ANKRD11: variants seen among roughly 807,000 people sequenced by gnomAD.
ANKRD11 encodes ankyrin repeat domain 11.
A neutral mutation model predicts 195.7 loss-of-function variants in ANKRD11; 17 were observed. The ratio of observed to expected loss-of-function variants is 0.09; its 90% CI spans 0.06 to 0.13. The LOEUF (loss-of-function observed/expected upper bound fraction) is 0.13. ANKRD11 is among the 10% of genes least tolerant of loss of function. The pLI is 1.00. For missense variants in ANKRD11, 3,735 were observed against 3,566.1 expected (o/e 1.05, Z -1.21); for synonymous variants, 1,953 against 1,528.1 (o/e 1.28, Z -6.49).
chr16:89,433,917 T>C (rs995898397), intron 1 of ANKRD11, among the ~76,000 whole-genome samples: 1 of 152,232 alleles, frequency 6.6e-6, no homozygotes, highest in African/African-American at 2.4e-5. Context: ...CATCGACATC[T>C]GGTATTAACA....
chr16:89,354,340 G>A (rs1156678165), intron 2 of ANKRD11, among the ~76,000 whole-genome samples: 1 of 147,002 alleles, frequency 6.8e-6, no homozygotes, highest in Non-Finnish European at 1.5e-5. Context: ...AATCTTTTTT[G>A]AAGTCTCAAA....
chr16:89,430,069 C>T (rs530348063), intron 1 of ANKRD11, among the ~76,000 whole-genome samples: 27 of 126,378 alleles, frequency 2.1e-4, no homozygotes, highest in Admixed American at 7.0e-4. Flanking sequence ...TCAACTCTCA[C>T]GCTCAGACGT....
chr16:89,447,050 TC>T (rs1456526228), intron 1 of ANKRD11, among the ~76,000 whole-genome samples: 3 of 151,766 alleles, frequency 2.0e-5, no homozygotes, highest in Admixed American at 1.3e-4. Flanking sequence ...CTGCCATCCC[TC>T]CCCACCCTAC....
chr16:89,313,451 C>T (rs756808905), intron 3 of ANKRD11: 1 of 1,289,198 alleles, frequency 7.8e-7, no homozygotes, highest in Non-Finnish European at 1.0e-6. Context: ...ACACGCCTGC[C>T]ACTGTGCTCA....
In ANKRD11 at chr16:89,281,696, C is replaced by T. The variant is rs1361881680; in HGVS notation, c.4846G>A (p.Gly1616Arg). ...GCCTTCTCCTTGAGCTTGGGGTCTCCGGACCGGTGCCTCAGCTTCTCCATT... is the reference window on the plus strand; with the variant it reads ...GCCTTCTCCTTGAGCTTGGGGTCTCTGGACCGGTGCCTCAGCTTCTCCATT... ...KQMEKLRHRS[G>R]DPKLKEKAKP... is the part of the protein sequence containing the mutation. Residue 1616 changes from glycine to arginine, a missense_variant, in exon 9 of 13, where the codon GGA (glycine) becomes AGA (arginine). By Grantham distance (125) the Gly-to-Arg change is moderately radical (BLOSUM62 -2). Coordinates refer to ENST00000301030, the MANE Select transcript of ANKRD11 (RefSeq NM_013275.6). This position sits in a 1 kb window ranked among gnomAD's most constrained non-coding sequence, Gnocchi z 5.5. 13 of 1,614,028 alleles carry T rather than the reference C, an allele frequency of 8.1e-6. No homozygotes were observed. The highest frequency in any genetic ancestry group is 5.3e-5 in the African/African-American group (4 of 74,918).
chr16:89,281,640 A>T lies in ANKRD11; in HGVS notation c.4902T>A (p.Gly1634=). 1 of 1,613,926 alleles carries T rather than the reference A, an allele frequency of 6.2e-7. No homozygotes were observed. Among genetic ancestry groups the T allele is most frequent in the Non-Finnish European group, 8.5e-7 (1 of 1,179,950 alleles). The change falls in exon 9 of 13, where the codon GGT becomes GGA. Residue 1634 remains glycine, a synonymous_variant. Transcript: ENST00000301030. This position sits in a 1 kb window ranked among gnomAD's most constrained non-coding sequence, Gnocchi z 5.5. ...GCGGTTTCTTAGCAGGAATGTCCAG[A>T]CCCTTCTTCCGCCCGTCGTCTGCCG... ...AKPADDGRKK[G]LDIPAKKPPG... is the part of the protein sequence containing the mutation.
chr16:89,299,579 C>A (rs543603559), intron 4 of ANKRD11: 18 of 167,226 alleles, frequency 1.1e-4, no homozygotes, highest in Non-Finnish European at 1.8e-4. Context: ...GTGTGGGGTG[C>A]GTGGGGTCTG....
intron 1 of ANKRD11, among the ~76,000 whole-genome samples, chr16:89,436,031 CA>C: frequency 2.6e-5 from 4 of 152,176 alleles, no homozygotes; most frequent in African/African-American, 9.7e-5. Flanking sequence ...TGCAGGGTCA[CA>C]CATTCTTCCA....
At chr16:89,473,294 G>A (rs1322472140) in intron 1 of ANKRD11, among the ~76,000 whole-genome samples, 4 of 152,186 alleles carry the variant, frequency 2.6e-5, no homozygotes, top group Admixed American at 6.5e-5. Context: ...GAACTCTGAT[G>A]AGTCCATACT....
chr16:89,399,305 G>A lies in ANKRD11; in HGVS notation c.-60+18979C>T, dbSNP rs2041594832. On this transcript the variant is annotated intron_variant, in intron 2 of 12. Coordinates refer to ENST00000301030, the MANE Select transcript of ANKRD11 (RefSeq NM_013275.6). ...GACCCAAGACACTCATAGGTGAGTG[G>A]ATTAAACACCCGGCGTCCATCCAGA... Among the ~76,000 whole-genome samples, 2 of 152,088 alleles carry A rather than the reference G, an allele frequency of 1.3e-5. 1 individual carries two copies. Among genetic ancestry groups the A allele is most frequent in the South Asian group, 4.1e-4 (2 of 4,820 alleles).
At chr16:89,392,365 G>A (rs576327950) in intron 2 of ANKRD11, 1 of 152,434 alleles carries the variant, frequency 6.6e-6, no homozygotes, top group South Asian at 2.1e-4. Flanking sequence ...ATCACAAGAA[G>A]CTAAAATTCA....
intron 2 of ANKRD11, among the ~76,000 whole-genome samples, chr16:89,322,233 G>C (rs1221939057): frequency 6.6e-6 from 1 of 152,222 alleles, no homozygotes; most frequent in Non-Finnish European, 1.5e-5. Flanking sequence ...ACCTGGGTGA[G>C]TCTCTCTCCC....
intron 1 of ANKRD11, among the ~76,000 whole-genome samples, chr16:89,458,265 C>T (rs779811403): frequency 7.9e-5 from 12 of 151,706 alleles, no homozygotes; most frequent in Non-Finnish European, 1.5e-4. Flanking sequence ...CACTGTGTCA[C>T]CCAGGTTGGA....
At chr16:89,406,008 G>A (rs1019335508) in intron 2 of ANKRD11, among the ~76,000 whole-genome samples, 1 of 151,772 alleles carries the variant, frequency 6.6e-6, no homozygotes, top group African/African-American at 2.4e-5. Flanking sequence ...TACTCAGGAG[G>A]CTGAGGTGGG....
At chr16:89,421,907 C>A (rs997959763) in intron 1 of ANKRD11, among the ~76,000 whole-genome samples, 4 of 152,190 alleles carry the variant, frequency 2.6e-5, no homozygotes, top group Admixed American at 6.5e-5. Context: ...GGAGTTGCTT[C>A]TACCTATGGA....
intron 2 of ANKRD11, among the ~76,000 whole-genome samples, chr16:89,391,568 C>A (rs974190279): frequency 6.6e-6 from 1 of 152,204 alleles, no homozygotes; most frequent in Non-Finnish European, 1.5e-5. Flanking sequence ...AAGGAAAAAT[C>A]TGAGTTTTCC....
intron 1 of ANKRD11, among the ~76,000 whole-genome samples, chr16:89,458,296 C>T (rs1284642446): frequency 1.3e-5 from 2 of 151,996 alleles, no homozygotes; most frequent in African/African-American, 4.8e-5. Flanking sequence ...GCGATCTCCG[C>T]TCACTGCAAG....
intron 4 of ANKRD11, chr16:89,300,754 A>C: frequency 1.7e-6 from 1 of 603,298 alleles, no homozygotes; most frequent in South Asian, 1.9e-5. Context: ...TGAAGGAACC[A>C]GCATGTGCCT....
chr16:89,365,868 A>G lies in ANKRD11; in HGVS notation c.-59-48790T>C, dbSNP rs3102387. ...CTGTTCCTCTCCCTCCTCCACCCCCAACCCTCAAGCAGACCCCAGTGTCTG... is the reference window on the plus strand; with the variant it reads ...CTGTTCCTCTCCCTCCTCCACCCCCGACCCTCAAGCAGACCCCAGTGTCTG... On this transcript the variant is annotated intron_variant, in intron 2 of 12. Transcript: ENST00000301030. Among the ~76,000 whole-genome samples the G allele has an allele frequency of 2.6e-5, 4 of 151,692 alleles. No homozygotes were observed. In the South Asian group the frequency reaches 8.3e-4, roughly 32 times the overall value.
Sources: allele counts gnomAD v4.1 joint callset (sites outside exome capture counted in the v4.1 genomes callset), GRCh38; gene constraint gnomAD v4.1.1; non-coding constraint Gnocchi (gnomAD v3.1); transcripts MANE v1.5; gene names NCBI Gene and HGNC (gene_info 2026-07-23, HGNC 2026-07-21).